Variants in EIF2D observed in about 807,000 individuals in gnomAD.
EIF2D encodes the protein hepatocellular carcinoma-associated antigen 56.
Under a neutral mutation model 77.4 loss-of-function variants are expected in EIF2D, and 56 were observed. That is an observed-to-expected ratio of 0.72 (90% CI 0.58 to 0.90). The LOEUF (loss-of-function observed/expected upper bound fraction) is 0.90. EIF2D is among the 40% of genes least tolerant of loss of function. The pLI is 0.00. For synonymous variants in EIF2D, 230 were observed against 271.0 expected, an observed-to-expected ratio of 0.85 and a Z score of 1.49; for missense variants, 574 against 706.5, an observed-to-expected ratio of 0.81 and a Z score of 2.13.
intron 12 of EIF2D, among the ~76,000 whole-genome samples, chr1:206,596,392 C>G (rs1412248946): frequency 6.6e-6 from 1 of 152,194 alleles, no homozygotes; most frequent in Non-Finnish European, 1.5e-5. Context: ...CTTACAACTA[C>G]TCAGTTCTGC....
chr1:206,600,348 G>T (rs1553411053), intron 7 of EIF2D, 40 bp from the exon 8 acceptor site: 2 of 1,590,526 alleles, frequency 1.3e-6, no homozygotes, highest in Non-Finnish European at 1.7e-6. Context: ...CTAATGAGCA[G>T]TCATACTGGG....
At chr1:206,587,133 G>A (rs1455789082), downstream of EIF2D, 1 of 924,514 alleles carries the variant, frequency 1.1e-6, no homozygotes, top group East Asian at 2.7e-5. Flanking sequence ...CCATGGACAA[G>A]TGTTTGCACG....
chr1:206,593,742 C>G lies in EIF2D; in HGVS notation c.1561G>C (p.Ala521Pro). The change falls in exon 14 of 15, where the codon GCT becomes CCT. Residue 521 changes from alanine to proline, a missense_variant. Ala to Pro is a conservative substitution (Grantham distance 27, BLOSUM62 -1). Transcript: ENST00000271764. ...EAYGLDPYSV[A>P]AILQQRCQAS... ...TGGCATCGCTGCTGAAGGATGGCAGCCACTGAGTATGGGTCCAGACCATAG... is the reference window on the plus strand; with the variant it reads ...TGGCATCGCTGCTGAAGGATGGCAGGCACTGAGTATGGGTCCAGACCATAG... 6.2e-7 allele frequency: 1 copy of G among 1,613,702 alleles called. No individual in the cohort carries two copies. The highest frequency in any genetic ancestry group is 8.5e-7 in the Non-Finnish European group (1 of 1,179,866).
intron 2 of EIF2D, chr1:206,585,123 C>T (rs1669059256): frequency 7.4e-7 from 1 of 1,351,376 alleles, no homozygotes. Context: ...TCCCGCAAGC[C>T]TGGGCCCCGC....
In EIF2D at chr1:206,595,756, T is replaced by C. The variant is rs1553409912; in HGVS notation, c.1471A>G (p.Ile491Val). Residue 491 changes from isoleucine (I) to valine (V), a missense_variant, in exon 13 of 15, where the codon ATT becomes GTT. Coordinates refer to ENST00000271764, the MANE Select transcript of EIF2D (RefSeq NM_006893.3). ...PIVKKGRICP[I>V]DITLAQRASN... The stretch of plus-strand genomic sequence containing the variant: ...GCTCTTTGTGCTAGGGTGATGTCAA[T>C]TGGACAGATTCTCCCTTTCTTCACA... 3 of 1,614,216 alleles carry C rather than the reference T, an allele frequency of 1.9e-6. No homozygotes were observed. The highest frequency in any genetic ancestry group is 1.7e-5 in the Admixed American group (1 of 60,020).
chr1:206,593,734 G>A lies in EIF2D; in HGVS notation c.1569C>T (p.Ile523=), dbSNP rs2102275911. The change falls in exon 14 of 15, where the codon ATC becomes ATT. Residue 523 remains isoleucine, a synonymous_variant. Transcript: ENST00000271764. The part of the protein sequence containing the change: ...YGLDPYSVAA[I]LQQRCQASTT... The stretch of plus-strand genomic sequence containing the variant: ...TGCTAGCCTGGCATCGCTGCTGAAG[G>A]ATGGCAGCCACTGAGTATGGGTCCA... The A allele has an allele frequency of 6.2e-7, 1 of 1,613,818 alleles. No individual in the cohort carries two copies. The highest frequency in any genetic ancestry group is 2.2e-5 in the East Asian group (1 of 44,880).
intron 6 of EIF2D, chr1:206,602,734 T>C (rs1462402200): frequency 8.2e-6 from 6 of 729,738 alleles, no homozygotes; most frequent in Admixed American, 2.9e-5. Flanking sequence ...GACAGGCAAA[T>C]GCCAGGGCAG....
intron 5 of EIF2D, among the ~76,000 whole-genome samples, chr1:206,604,307 T>G (rs11119126): frequency 0.74 from 112,464 of 151,962 alleles, 41,974 homozygotes; most frequent in African/African-American, 0.85. Context: ...GCCGGATGTT[T>G]TGGGCACAAG....
intron 14 of EIF2D, 117 bp downstream of exon 14, chr1:206,593,502 A>AGTGTGTGT (rs1433622439): frequency 7.9e-5 from 34 of 428,022 alleles, no homozygotes; most frequent in East Asian, 2.3e-4. Flanking sequence ...AGAGAGAGAG[A>AGTGTGTGT]GAGAGAGTGT....
intron 2 of EIF2D, chr1:206,583,223 C>A (rs1668963680): frequency 1.5e-6 from 2 of 1,301,154 alleles, no homozygotes; most frequent in African/African-American, 1.5e-5. Context: ...CCTTTCTCAC[C>A]CTGAGAACTA....
intron 1 of EIF2D, 109 bp from the exon 2 acceptor site, chr1:206,611,483 T>G: frequency 2.3e-6 from 2 of 855,220 alleles, no homozygotes; most frequent in Non-Finnish European, 3.6e-6. Context: ...CAAAGAAAGA[T>G]TGCCTGGTTT....
rs138491045 is a variant in EIF2D at position 206,607,472 on chromosome 1, T to C, written c.422+764A>G. The stretch of plus-strand genomic sequence containing the variant: ...TACTTCTTATTTTTAAAAAGAAGCA[T>C]TGGAGGCTAGACGTAGTGGCTCATG... On this transcript the variant is annotated intron_variant, in intron 4 of 14. Transcript: ENST00000271764. Among the ~76,000 whole-genome samples, 981 of 152,306 alleles carry C rather than the reference T, an allele frequency of 6.4e-3. 8 individuals carry two copies. Among genetic ancestry groups the C allele is most frequent in the Non-Finnish European group, 1.0e-2 (680 of 68,020 alleles).
chr1:206,594,017 A>C, intron 13 of EIF2D: 1 of 390,234 alleles, frequency 2.6e-6, no homozygotes, highest in Non-Finnish European at 4.6e-6. Context: ...AGGGACAGAT[A>C]CTCTCTGTAT....
downstream of EIF2D, chr1:206,586,674 G>C (rs1483146388): frequency 4.5e-6 from 3 of 667,656 alleles, no homozygotes; most frequent in Non-Finnish European, 7.8e-6. Flanking sequence ...CAAAGCCCAG[G>C]CTTCGCTGAT....
At chr1:206,607,376 ATGGT>A (rs1336188570) in intron 4 of EIF2D, among the ~76,000 whole-genome samples, 2 of 152,238 alleles carry the variant, frequency 1.3e-5, no homozygotes, top group Non-Finnish European at 2.9e-5. Flanking sequence ...CAAAATGATA[ATGGT>A]TATTTCTAGG....
rs996485151 is a variant in EIF2D at position 206,592,152 on chromosome 1, T to A, written c.1685-307A>T. Reference sequence around the variant, plus strand: ...AGTACCTTGTATGGGGTTCTTCACATAAAGAGGCTCAACTCTAGAAGTTAA... The same window carrying A: ...AGTACCTTGTATGGGGTTCTTCACAAAAAGAGGCTCAACTCTAGAAGTTAA... On this transcript the variant is annotated intron_variant, in intron 14 of 14. Coordinates refer to ENST00000271764, the MANE Select transcript of EIF2D (RefSeq NM_006893.3). The surrounding 1 kb of genome is among the most constrained non-coding windows in gnomAD (Gnocchi z 4.7). Among the ~76,000 whole-genome samples the A allele has an allele frequency of 5.3e-5, 8 of 152,242 alleles. No individual in the cohort carries two copies. The highest frequency in any genetic ancestry group is 3.9e-4 in the Admixed American group (6 of 15,290).
At chr1:206,606,643 A>G (rs1340117659) in intron 4 of EIF2D, among the ~76,000 whole-genome samples, 1 of 152,198 alleles carries the variant, frequency 6.6e-6, no homozygotes, top group Non-Finnish European at 1.5e-5. Flanking sequence ...TTGGTTCCAA[A>G]GCGTTCAAGG....
intron 2 of EIF2D, chr1:206,583,526 G>C (rs1668980063): frequency 1.6e-6 from 1 of 635,932 alleles, no homozygotes; most frequent in Admixed American, 2.6e-5. Context: ...GGGTCTGGAA[G>C]GCTGATAGCC....
chr1:206,601,648 T>C (rs1372095026), intron 7 of EIF2D: 3 of 152,164 alleles, frequency 2.0e-5, no homozygotes, highest in Admixed American at 6.5e-5. Flanking sequence ...ATGATAGTAT[T>C]TACTGAATGC....
Sources: allele counts gnomAD v4.1 joint callset (sites outside exome capture counted in the v4.1 genomes callset), GRCh38; gene constraint gnomAD v4.1.1; non-coding constraint Gnocchi (gnomAD v3.1); transcripts MANE v1.5; gene names NCBI Gene and HGNC (gene_info 2026-07-23, HGNC 2026-07-21).